LRCH2: variants seen among roughly 807,000 people sequenced by gnomAD.
LRCH2 encodes leucine-rich repeat and calponin homology domain-containing protein 2.
LRCH2 carries 38 observed loss-of-function variants against 68.9 expected under a neutral mutation model. The ratio of observed to expected loss-of-function variants is 0.55; its 90% CI spans 0.43 to 0.72. LRCH2 has a LOEUF of 0.72. Among genes scored for constraint, LRCH2 ranks in the 30% least tolerant of loss-of-function variants. The probability of loss-of-function intolerance (pLI) is 0.00; values close to 1 mark genes in which losing one functional copy is unlikely to be tolerated. For missense variants in LRCH2, 528 were observed against 572.9 expected (o/e 0.92, Z 0.80); for synonymous variants, 191 against 208.1 (o/e 0.92, Z 0.71).
chrX:115,233,925 G>GCCTCCC lies in LRCH2; in HGVS notation c.111_116dup (p.Gly43_Gly44dup). ...CCACCAGGGTCCCGCCGCCGCCGCCGCCTCCCCCTCCAGCCCCGCCACCTC... is the reference window on the plus strand; with the variant it reads ...CCACCAGGGTCCCGCCGCCGCCGCCGCCTCCCCCTCCCCCTCCAGCCCCGCCACCTC... On this transcript the variant is annotated inframe_insertion, in exon 1 of 21. Transcript: ENST00000317135. 1 of 1,159,697 alleles carries GCCTCCC rather than the reference G, an allele frequency of 8.6e-7. No individual in the cohort carries two copies. The highest frequency in any genetic ancestry group is 1.2e-6 in the Non-Finnish European group (1 of 869,237).
intron 14 of LRCH2, among the ~76,000 whole-genome samples, chrX:115,147,296 G>A (rs1427930339): frequency 1.8e-5 from 2 of 111,504 alleles, no homozygotes; most frequent in African/African-American, 6.5e-5. Flanking sequence ...TGAAAATAGT[G>A]ACAATTCTGA....
At chrX:115,160,243 G>A (rs2072508716) in intron 11 of LRCH2, among the ~76,000 whole-genome samples, 1 of 111,075 alleles carries the variant, frequency 9.0e-6, no homozygotes, top group Non-Finnish European at 1.9e-5. Flanking sequence ...TTGAACCCGG[G>A]AGGTGGAGGT....
chrX:115,168,533 A>AC (rs1556546361), intron 6 of LRCH2, among the ~76,000 whole-genome samples: 44 of 112,211 alleles, frequency 3.9e-4, no homozygotes, highest in Middle Eastern at 4.2e-3. Flanking sequence ...ATACTCAAAT[A>AC]ACATGTATTT....
chrX:115,163,199 T>C lies in LRCH2; in HGVS notation c.1463+477A>G, dbSNP rs782367696. ...AACTCCATTCTAAGGAGTTTAGACGTATGCCAAGTTTGGAATCTGAGTTTT... is the reference window on the plus strand; with the variant it reads ...AACTCCATTCTAAGGAGTTTAGACGCATGCCAAGTTTGGAATCTGAGTTTT... On this transcript the variant is annotated intron_variant, in intron 11 of 20. Transcript: ENST00000317135. 2.7e-5 allele frequency among the ~76,000 whole-genome samples: 3 copies of C among 111,600 alleles called. No homozygotes were observed. In the South Asian group the frequency reaches 1.1e-3, roughly 42 times the overall value.
intron 12 of LRCH2, among the ~76,000 whole-genome samples, chrX:115,151,017 T>C (rs1376646138): frequency 9.0e-6 from 1 of 111,592 alleles, no homozygotes; most frequent in Non-Finnish European, 1.9e-5. Context: ...CAAAAGGTTC[T>C]TGGATAGATA....
At chrX:115,177,046 CTTTTTTT>C (rs35686915) in intron 5 of LRCH2, among the ~76,000 whole-genome samples, 22 of 66,661 alleles carry the variant, frequency 3.3e-4, no homozygotes, top group African/African-American at 5.0e-4. Context: ...CGCACCCAGC[CTTTTTTT>C]TTTTTTTTTT....
chrX:115,124,189 T>C (rs1021949435), intron 16 of LRCH2, among the ~76,000 whole-genome samples, 187 bp from the exon 17 acceptor site: 1 of 111,892 alleles, frequency 8.9e-6, no homozygotes, highest in African/African-American at 3.2e-5. Flanking sequence ...GGTCAACTAA[T>C]ATTTGCTAGT....
Position 115,130,201 on chromosome X carries a change from T to C in LRCH2, c.1696-2A>G, listed in dbSNP as rs2072231488. 3 of 990,092 alleles carry C rather than the reference T, an allele frequency of 3.0e-6. No individual in the cohort carries two copies. Among genetic ancestry groups the C allele is most frequent in the African/African-American group, 1.9e-5 (1 of 52,090 alleles). The allele number at this position is 990,092 out of a possible 1,213,427, so 81.6% of individuals were successfully genotyped here. A position where few individuals can be genotyped will look rare whatever the true frequency, so the allele number is the denominator to read the frequency against. On this transcript the variant is annotated splice_acceptor_variant, in intron 14 of 20. Coordinates refer to ENST00000317135, the MANE Select transcript of LRCH2 (RefSeq NM_020871.4). LOFTEE classifies it high-confidence loss of function. Reference sequence around the variant, plus strand: ...TGAACTCTTCCTCATTGATTTATACTGAAAAATATTTAAAACACATAATTT... The same window carrying C: ...TGAACTCTTCCTCATTGATTTATACCGAAAAATATTTAAAACACATAATTT...
intron 3 of LRCH2, among the ~76,000 whole-genome samples, chrX:115,183,890 T>C (rs1008927954): frequency 4.5e-5 from 5 of 112,101 alleles, no homozygotes; most frequent in Non-Finnish European, 7.5e-5. Flanking sequence ...CCAAGGTAAT[T>C]AATTTAAATT....
At chrX:115,124,813 T>C (rs782197333) in intron 16 of LRCH2, among the ~76,000 whole-genome samples, 21 of 111,992 alleles carry the variant, frequency 1.9e-4, no homozygotes, top group African/African-American at 4.9e-4. Context: ...ATGAGGATCA[T>C]ACCTATTTTA....
rs782801336 is a variant in LRCH2, at chrX:115,165,471, A to G, written c.1297-8T>C. 2.7e-6 allele frequency: 3 copies of G among 1,109,484 alleles called. No individual in the cohort carries two copies. The South Asian group carries it at 6.1e-5, about 23-fold the overall frequency. The allele number at this position is 1,109,484 out of a possible 1,213,427, so 91.4% of individuals were successfully genotyped here. A position where few individuals can be genotyped will look rare whatever the true frequency, so the allele number is the denominator to read the frequency against. On this transcript the variant is annotated splice_polypyrimidine_tract_variant and splice_region_variant and intron_variant, in intron 9 of 20. Coordinates refer to ENST00000317135, the MANE Select transcript of LRCH2 (RefSeq NM_020871.4). ...AGAACATTTTTCTTTTCCCTTATATAAAAGAAAGTTACATTTTAAATTGTA... is the reference window on the plus strand; with the variant it reads ...AGAACATTTTTCTTTTCCCTTATATGAAAGAAAGTTACATTTTAAATTGTA...
At chrX:115,130,115 G>A in intron 15 of LRCH2, 40 bp downstream of exon 15, 5 of 823,538 alleles carry the variant, frequency 6.1e-6, no homozygotes, top group Non-Finnish European at 8.5e-6. Flanking sequence ...CATATGATAA[G>A]TAAACATTTC....
intron 7 of LRCH2, 135 bp downstream of exon 7, chrX:115,166,120 T>C: frequency 1.6e-6 from 1 of 634,315 alleles, no homozygotes; most frequent in Non-Finnish European, 2.4e-6. Context: ...CAGCATGCCC[T>C]TTTTTTCAGT....
chrX:115,123,950 C>A lies in LRCH2; in HGVS notation c.1844G>T (p.Arg615Ile). 1 of 1,104,020 alleles carries A rather than the reference C, an allele frequency of 9.1e-7. No homozygotes were observed. The highest frequency in any genetic ancestry group is 1.2e-6 in the Non-Finnish European group (1 of 830,275). 91.0% of individuals were successfully genotyped at this position (1,104,020 alleles called of 1,213,427 possible). ...FSHSPFGLKP[R>I]SAFSRSSRQE... ...TTTACAGAATATCTATTTACCTGAT[C>A]TAGGCTTCAAGCCAAAGGGACTGTG... is the stretch of plus-strand genomic sequence containing the variant. The change falls in exon 17 of 21, where the codon AGA becomes ATA. Residue 615 changes from arginine (R) to isoleucine (I), a missense_variant. Arg to Ile is a moderately conservative substitution (Grantham distance 97). Coordinates refer to ENST00000317135, the MANE Select transcript of LRCH2 (RefSeq NM_020871.4).
At chrX:115,184,316 A>T in intron 3 of LRCH2, 95 bp downstream of exon 3, 8 of 748,206 alleles carry the variant, frequency 1.1e-5, no homozygotes, top group Admixed American at 4.8e-5. Context: ...TACTTTTTTT[A>T]AAAATTACAA....
intron 5 of LRCH2, among the ~76,000 whole-genome samples, chrX:115,174,910 G>C (rs2072635633): frequency 9.0e-6 from 1 of 111,138 alleles, no homozygotes; most frequent in South Asian, 3.8e-4. Context: ...ATAAGGGACT[G>C]ATTGCCAGGA....
At chrX:115,192,563 G>C in intron 1 of LRCH2, 1 of 1,170,266 alleles carries the variant, frequency 8.5e-7, no homozygotes, top group Non-Finnish European at 1.1e-6. Flanking sequence ...GATTCTTACA[G>C]CCGGTCAGGC....
At chrX:115,206,409 T>G (rs2072967161) in intron 1 of LRCH2, among the ~76,000 whole-genome samples, 2 of 112,227 alleles carry the variant, frequency 1.8e-5, no homozygotes, top group Middle Eastern at 4.6e-3. Context: ...TGGAAGGTTG[T>G]GGGTTTACCG....
intron 1 of LRCH2, among the ~76,000 whole-genome samples, chrX:115,227,674 C>T (rs999970825): frequency 1.3e-4 from 14 of 106,254 alleles, no homozygotes; most frequent in Non-Finnish European, 2.3e-4. Context: ...GTGAAAAACT[C>T]TAGACTATAC....
Sources: allele counts gnomAD v4.1 joint callset (sites outside exome capture counted in the v4.1 genomes callset), GRCh38; gene constraint gnomAD v4.1.1; transcripts MANE v1.5; gene names NCBI Gene and HGNC (gene_info 2026-07-23, HGNC 2026-07-21).